Variants in FLNA observed in about 807,000 individuals in gnomAD.
The protein encoded by FLNA is filamin A, also known as filamin-A.
In FLNA, 7 loss-of-function variants were observed where a neutral mutation model predicts 157.6. The ratio of observed to expected loss-of-function variants is 0.04; its 90% CI spans 0.03 to 0.08. The LOEUF (loss-of-function observed/expected upper bound fraction) is 0.08, where lower values mean the gene tolerates loss of function less well. FLNA is among the 10% of genes least tolerant of loss of function. The probability of loss-of-function intolerance (pLI) is 1.00; values close to 1 mark genes in which losing one functional copy is unlikely to be tolerated. For synonymous variants in FLNA, 1,103 were observed against 1,060.8 expected, an observed-to-expected ratio of 1.04 and a Z score of -0.77; for missense variants, 1,750 against 2,398.4, an observed-to-expected ratio of 0.73 and a Z score of 5.65.
chrX:154,371,750 T>A (rs934784012), intron 1 of FLNA, among the ~76,000 whole-genome samples: 2 of 112,873 alleles, frequency 1.8e-5, no homozygotes, highest in Admixed American at 1.8e-4. Flanking sequence ...CTAAGTCACT[T>A]GGGCTCTGCC....
chrX:154,352,619 G>A lies in FLNA; in HGVS notation c.6436C>T (p.Arg2146Cys), dbSNP rs200832880. 11 of 1,210,393 alleles carry A rather than the reference G, an allele frequency of 9.1e-6. No homozygotes were observed. Among genetic ancestry groups the A allele is most frequent in the East Asian group, 3.0e-5 (1 of 33,792 alleles). ...GCCACTGAAGGAGCCCGACGCCTGC[G>A]GGTGATGCTCTCTTTCACCCGGCCC... is the stretch of plus-strand genomic sequence containing the variant. ...GEGRVKESIT[R>C]RRRAPSVANV... The change falls in exon 40 of 48, where the codon CGC becomes TGC. Residue 2146 changes from arginine (R) to cysteine (C), a missense_variant. Physicochemically the swap from Arg to Cys is radical, Grantham distance 180. Transcript: ENST00000369850.
rs782490288 is a variant in FLNA at position 154,359,556 on chromosome X, C to T, written c.4070G>A (p.Arg1357Gln). The T allele has an allele frequency of 9.1e-6, 11 of 1,210,945 alleles. No individual in the cohort carries two copies. Among genetic ancestry groups the T allele is most frequent in the South Asian group, 1.8e-5 (1 of 56,952 alleles). The change falls in exon 24 of 48, where the codon CGG (arginine) becomes CAG (glutamine). Residue 1357 changes from arginine (R) to glutamine (Q), a missense_variant. Arg to Gln is a conservative substitution (Grantham distance 43, BLOSUM62 1). Transcript: ENST00000369850. ...VPVTEGCDPS[R>Q]VRVHGPGIQS... is the part of the protein sequence containing the mutation. ...GATGCCTGGCCCGTGGACACGCACC[C>T]GGGAGGGGTCGCAGCCCTCGGTCAC...
chrX:154,362,815 T>C, intron 15 of FLNA, 31 bp from the exon 16 acceptor site: 1 of 1,179,431 alleles, frequency 8.5e-7, no homozygotes, highest in Non-Finnish European at 1.1e-6. Context: ...GGCAAGGGCA[T>C]GAGCAGCCTG....
At chrX:154,358,755 T>C (rs1453504649) in intron 26 of FLNA, 187 bp from the exon 27 acceptor site, 2 of 613,799 alleles carry the variant, frequency 3.3e-6, no homozygotes, top group Non-Finnish European at 5.2e-6. Context: ...GCTGGGACCC[T>C]TGCCTGCCTG....
Position 154,353,406 on chromosome X carries a change from A to G in FLNA, c.5912T>C (p.Ile1971Thr). 8.3e-7 allele frequency: 1 copy of G among 1,211,514 alleles called. No individual in the cohort carries two copies. The highest frequency in any genetic ancestry group is 1.1e-6 in the Non-Finnish European group (1 of 895,463). The change falls in exon 37 of 48, where the codon ATC (isoleucine) becomes ACC (threonine). Residue 1971 changes from isoleucine (I) to threonine (T), a missense_variant. Coordinates refer to ENST00000369850, the MANE Select transcript of FLNA (RefSeq NM_001110556.2). Reference sequence around the variant, plus strand: ...ATCCGTCTCTGAGATGTTGATGGGGATGTCGGCAGCAGAGCCGACCTTTAG... The same window carrying G: ...ATCCGTCTCTGAGATGTTGATGGGGGTGTCGGCAGCAGAGCCGACCTTTAG... ...SHLKVGSAAD[I>T]PINISETDLS...
Position 154,352,921 on chromosome X carries a change from T to C in FLNA, c.6230A>G (p.Tyr2077Cys), listed in dbSNP as rs781860863. 19 of 1,210,461 alleles carry C rather than the reference T, an allele frequency of 1.6e-5. No homozygotes were observed. The highest frequency in any genetic ancestry group is 8.7e-5 in the African/African-American group (5 of 57,458). The change falls in exon 39 of 48, where the codon TAT (tyrosine) becomes TGT (cysteine). Residue 2077 changes from tyrosine (Y) to cysteine (C), a missense_variant. By Grantham distance (194) the Tyr-to-Cys change is radical. Around this residue, in one of 5 missense-constraint regions of FLNA, gnomAD observed 970 missense variants for 1,302.6 expected, o/e 0.74. Coordinates refer to ENST00000369850, the MANE Select transcript of FLNA (RefSeq NM_001110556.2). Reference sequence around the variant, plus strand: ...CTCAATGGACAGGCTGAGCCCACCATAGCCTAGGGGATGGATACCCCTGAG... The same window carrying C: ...CTCAATGGACAGGCTGAGCCCACCACAGCCTAGGGGATGGATACCCCTGAG... ...EFIIDTRDAGYGGLSLSIEGP... is the reference protein window; with the variant it reads ...EFIIDTRDAGCGGLSLSIEGP...
chrX:154,361,224 C>CA, intron 21 of FLNA, 84 bp downstream of exon 21: 2 of 903,138 alleles, frequency 2.2e-6, no homozygotes, highest in South Asian at 4.3e-5. Flanking sequence ...GGATTTAGGG[C>CA]AGGTCTGGAG....
Position 154,359,787 on chromosome X carries a change from G to A in FLNA, c.3924C>T (p.Tyr1308=), listed in dbSNP as rs781997071. ...ACATGCCATCGCCACGGTCCTGAAC[G>A]TAGGTCTCCGTCAGGTTGCCTGAGG... is the stretch of plus-strand genomic sequence containing the variant. ...ANPSGNLTET[Y]VQDRGDGMYK... is the part of the protein sequence containing the mutation. Residue 1308 remains tyrosine, a synonymous_variant, in exon 23 of 48, where the codon TAC becomes TAT. Transcript: ENST00000369850. 7.4e-6 allele frequency: 9 copies of A among 1,209,171 alleles called. No individual in the cohort carries two copies. Among genetic ancestry groups the A allele is most frequent in the South Asian group, 5.3e-5 (3 of 56,846 alleles).
chrX:154,369,225 C>T (rs1390380217), intron 2 of FLNA, among the ~76,000 whole-genome samples: 4 of 112,416 alleles, frequency 3.6e-5, no homozygotes, highest in Non-Finnish European at 7.5e-5. Context: ...TGGTCCTGGC[C>T]CCACGAGGCT....
intron 30 of FLNA, among the ~76,000 whole-genome samples, chrX:154,356,634 C>T (rs2067664970): frequency 1.8e-5 from 2 of 108,583 alleles, no homozygotes; most frequent in Admixed American, 9.8e-5. Context: ...GTCTGAATAA[C>T]GTCACTGCTG....
At chrX:154,355,870 C>A (rs2067658979) in intron 30 of FLNA, among the ~76,000 whole-genome samples, 1 of 112,911 alleles carries the variant, frequency 8.9e-6, no homozygotes, top group Non-Finnish European at 1.9e-5. Context: ...GGGCTGTGGG[C>A]TGTGAGGCCT....
intron 30 of FLNA, among the ~76,000 whole-genome samples, 163 bp from the exon 31 acceptor site, chrX:154,355,235 G>C (rs782767939): frequency 8.8e-6 from 1 of 113,536 alleles, no homozygotes; most frequent in Non-Finnish European, 1.9e-5. Context: ...CTGGGATGGC[G>C]AGTGGTTTCT....
Position 154,371,271 on chromosome X carries a change from C to CT in FLNA, c.-27_-26insA. ...TTTGAGGCGCGAGAAGCCGGGGGGGCGGTGCTGCAGCCTCGGCGAGGGGAC... is the reference window on the plus strand; with the variant it reads ...TTTGAGGCGCGAGAAGCCGGGGGGGCTGGTGCTGCAGCCTCGGCGAGGGGAC... On this transcript the variant is annotated 5_prime_UTR_variant, in exon 2 of 48. Coordinates refer to ENST00000369850, the MANE Select transcript of FLNA (RefSeq NM_001110556.2). 1 of 1,195,574 alleles carries CT rather than the reference C, an allele frequency of 8.4e-7. No homozygotes were observed.
At position 154,354,719 on chromosome X, in the gene FLNA, G is replaced by A. The variant is rs373614827; in HGVS notation, c.5218-8C>T. 2.5e-6 allele frequency: 3 copies of A among 1,207,582 alleles called. No homozygotes were observed. The highest frequency in any genetic ancestry group is 3.4e-6 in the Non-Finnish European group (3 of 893,257). ...CTGGTCCCCAGCCAGAGCCTGCAGG[G>A]CAAAGCAGAGAGCTGCTGGAGAGTC... On this transcript the variant is annotated splice_region_variant and splice_polypyrimidine_tract_variant and intron_variant, in intron 31 of 47. Transcript: ENST00000369850.
Position 154,360,132 on chromosome X carries a change from G to A in FLNA, c.3663C>T (p.Tyr1221=). The A allele has an allele frequency of 1.7e-6, 2 of 1,209,968 alleles. No homozygotes were observed. The highest frequency in any genetic ancestry group is 2.2e-6 in the Non-Finnish European group (2 of 894,201). Residue 1221 remains tyrosine, a synonymous_variant, in exon 22 of 48, where the codon TAC becomes TAT. Coordinates refer to ENST00000369850, the MANE Select transcript of FLNA (RefSeq NM_001110556.2). The stretch of plus-strand genomic sequence containing the variant: ...TGTAGGCCCCGGGGCAGAGGGGAAT[G>A]TAGGTAATGGTGTGCGTGCCATCAC... ...DHGDGTHTIT[Y]IPLCPGAYTV... is the part of the protein sequence containing the mutation.
In FLNA at chrX:154,359,525, A is replaced by T. The variant is rs2067688242; in HGVS notation, c.4101T>A (p.Ser1367Arg). The change falls in exon 24 of 48, where the codon AGT becomes AGA. Residue 1367 changes from serine to arginine, a missense_variant. Physicochemically the swap from Ser to Arg is moderately radical, Grantham distance 110 (BLOSUM62 -1). Transcript: ENST00000369850. ...RVRVHGPGIQ[S>R]GTTNKPNKFT... ...ACTTGTTGGGCTTGTTGGTGGTGCCACTTTGGATGCCTGGCCCGTGGACAC... is the reference window on the plus strand; with the variant it reads ...ACTTGTTGGGCTTGTTGGTGGTGCCTCTTTGGATGCCTGGCCCGTGGACAC... 1 of 1,209,592 alleles carries T rather than the reference A, an allele frequency of 8.3e-7. No homozygotes were observed. The highest frequency in any genetic ancestry group is 1.1e-6 in the Non-Finnish European group (1 of 895,082).
rs782666835 is a variant in FLNA, at chrX:154,351,124, C to T, written c.7024-83G>A. 27 of 1,082,031 alleles carry T rather than the reference C, an allele frequency of 2.5e-5. No homozygotes were observed. In the South Asian group the frequency reaches 3.2e-4, roughly 13 times the overall value. 89.2% of individuals were successfully genotyped at this position (1,082,031 alleles called of 1,213,427 possible). Reference sequence around the variant, plus strand: ...GGAAAGGCCCCAGGAGCAAGAGGCCCGCGGGTCGCACTTACCCATCTGGCG... The same window carrying T: ...GGAAAGGCCCCAGGAGCAAGAGGCCTGCGGGTCGCACTTACCCATCTGGCG... On this transcript the variant is annotated intron_variant, in intron 43 of 47. Coordinates refer to ENST00000369850, the MANE Select transcript of FLNA (RefSeq NM_001110556.2).
chrX:154,350,383 A>G (rs1353384433), intron 44 of FLNA, 176 bp from the exon 45 acceptor site: 6 of 457,994 alleles, frequency 1.3e-5, no homozygotes, highest in Non-Finnish European at 2.3e-5. Flanking sequence ...GAAGGTTTAG[A>G]CACTCAAGCT....
chrX:154,356,650 TAGGGGAAG>T (rs1163759497), intron 30 of FLNA, among the ~76,000 whole-genome samples: 1 of 111,119 alleles, frequency 9.0e-6, no homozygotes, highest in Non-Finnish European at 1.9e-5. Flanking sequence ...TGCTGGGGGA[TAGGGGAAG>T]GGGGAAGGAG....
Sources: gnomAD v4.1 joint callset for allele counts (sites outside exome capture counted in the v4.1 genomes callset) on GRCh38, gnomAD v4.1.1 for gene constraint, gnomAD v4.1.1 regional missense constraint, MANE v1.5 for transcripts, NCBI Gene and HGNC (gene_info 2026-07-23, HGNC 2026-07-21) for gene names.